The following STYK1 variants were observed in gnomAD, a reference collection of about 807,000 sequenced individuals.
STYK1 encodes STY kinase 1, also known as tyrosine-protein kinase STYK1.
In STYK1, 46 loss-of-function variants were observed where a neutral mutation model predicts 48.1. That is an observed-to-expected ratio of 0.96 (90% CI 0.75 to 1.22). The LOEUF (loss-of-function observed/expected upper bound fraction) is 1.22, where lower values mean the gene tolerates loss of function less well. Ranked by LOEUF, STYK1 falls within the 50% of genes most tolerant of loss-of-function variation. The pLI, the probability that STYK1 is intolerant of heterozygous loss-of-function variation, is 0.00. For missense variants in STYK1, 527 were observed against 521.1 expected, an observed-to-expected ratio of 1.01 and a Z score of -0.11; for synonymous variants, 188 against 189.0, an observed-to-expected ratio of 0.99 and a Z score of 0.04.
chr12:10,627,483 A>G (rs1947371376), intron 7 of STYK1, among the ~76,000 whole-genome samples, 158 bp downstream of exon 7: 1 of 152,184 alleles, frequency 6.6e-6, no homozygotes, highest in African/African-American at 2.4e-5. Flanking sequence ...GGGACTAAAA[A>G]CAATTTATCC....
intron 1 of STYK1, among the ~76,000 whole-genome samples, chr12:10,652,722 T>C (rs1947675230): frequency 9.0e-6 from 1 of 111,424 alleles, no homozygotes; most frequent in Admixed American, 1.1e-4. Flanking sequence ...CTACTTATAG[T>C]TCTTAGAAAG....
intron 7 of STYK1, among the ~76,000 whole-genome samples, chr12:10,627,373 T>A (rs1947370046): frequency 6.6e-6 from 1 of 152,204 alleles, no homozygotes; most frequent in Admixed American, 6.5e-5. Flanking sequence ...CTGAAAAATC[T>A]GAAAAATCCT....
intron 1 of STYK1, among the ~76,000 whole-genome samples, chr12:10,641,912 T>C (rs1462937108): frequency 6.6e-6 from 1 of 152,178 alleles, no homozygotes; most frequent in Non-Finnish European, 1.5e-5. Context: ...AGTGCTGTAA[T>C]AACAGAGTGA....
chr12:10,630,399 AAG>A lies in STYK1; in HGVS notation c.451+644_451+645del, dbSNP rs1330223395. ...ACACTCTGTCTCAAAAAAAAAAAAA[AAG>A]AAAAAAGAAATATAATATCAGGAAG... On this transcript the variant is annotated intron_variant, in intron 5 of 10. Coordinates refer to ENST00000075503, the MANE Select transcript of STYK1 (RefSeq NM_018423.3). 8.7e-5 allele frequency among the ~76,000 whole-genome samples: 13 copies of A among 148,810 alleles called. 4 individuals are homozygous for A. The highest frequency in any genetic ancestry group is 1.2e-4 in the African/African-American group (5 of 40,892).
intron 1 of STYK1, among the ~76,000 whole-genome samples, chr12:10,657,767 C>T (rs1318662376): frequency 3.9e-5 from 6 of 152,190 alleles, no homozygotes; most frequent in African/African-American, 1.2e-4. Flanking sequence ...AGGCTTCACA[C>T]CTAGTACCTA....
chr12:10,631,018 G>C (rs1193782769), intron 5 of STYK1, 27 bp downstream of exon 5: 1 of 1,608,732 alleles, frequency 6.2e-7, no homozygotes, highest in Non-Finnish European at 8.5e-7. Flanking sequence ...GTTAGGGGAA[G>C]GGGGAGTCAA....
At chr12:10,645,466 A>G (rs1460335207) in intron 1 of STYK1, among the ~76,000 whole-genome samples, 4 of 152,222 alleles carry the variant, frequency 2.6e-5, no homozygotes, top group African/African-American at 9.6e-5. Flanking sequence ...TCTCATTCTA[A>G]AAAAAACAAA....
chr12:10,624,546 TAG>T (rs1947333705), intron 8 of STYK1, 103 bp downstream of exon 8: 6 of 976,936 alleles, frequency 6.1e-6, no homozygotes, highest in Non-Finnish European at 9.5e-6. Flanking sequence ...GATTTCTAAG[TAG>T]AGATTATATT....
chr12:10,627,498 TTGA>T, intron 7 of STYK1, 140 bp downstream of exon 7: 1 of 647,544 alleles, frequency 1.5e-6, no homozygotes, highest in East Asian at 3.0e-5. Flanking sequence ...TTATCCATGC[TTGA>T]GTTTCTGCCC....
At chr12:10,646,968 G>A (rs1947606487) in intron 1 of STYK1, among the ~76,000 whole-genome samples, 2 of 152,266 alleles carry the variant, frequency 1.3e-5, no homozygotes, top group Admixed American at 6.5e-5. Flanking sequence ...CCTCTGCCTA[G>A]ATTTCAGAGG....
At chr12:10,639,136 AC>A (rs1947516793) in intron 1 of STYK1, among the ~76,000 whole-genome samples, 1 of 152,170 alleles carries the variant, frequency 6.6e-6, no homozygotes, top group Non-Finnish European at 1.5e-5. Flanking sequence ...TGGAAAAAAA[AC>A]AAAAACAAAA....
intron 1 of STYK1, chr12:10,673,491 C>G (rs1947911047): frequency 6.6e-6 from 1 of 152,088 alleles, no homozygotes; most frequent in Non-Finnish European, 1.5e-5. Flanking sequence ...ATTTAAATAT[C>G]GCAACAACCC....
At chr12:10,639,280 C>T (rs572869257) in intron 1 of STYK1, among the ~76,000 whole-genome samples, 21 of 152,276 alleles carry the variant, frequency 1.4e-4, no homozygotes, top group South Asian at 4.1e-4. Flanking sequence ...AACAAGCTTC[C>T]GGTTTTCAGA....
chr12:10,670,994 G>GGTT (rs1402579622), intron 1 of STYK1, among the ~76,000 whole-genome samples: 1 of 84,822 alleles, frequency 1.2e-5, no homozygotes, highest in Non-Finnish European at 2.4e-5. Context: ...TGAATATATT[G>GGTT]ATTTTTTTTT....
intron 7 of STYK1, 27 bp downstream of exon 7, chr12:10,627,614 A>G: frequency 1.3e-6 from 2 of 1,589,342 alleles, no homozygotes; most frequent in Non-Finnish European, 1.7e-6. Context: ...ACGTCACACC[A>G]TCAGTTGTCA....
intron 1 of STYK1, among the ~76,000 whole-genome samples, chr12:10,660,004 A>G (rs1947758756): frequency 6.6e-6 from 1 of 152,186 alleles, no homozygotes; most frequent in Admixed American, 6.6e-5. Context: ...CTCAGAAGAA[A>G]CAAGATGGAT....
intron 1 of STYK1, among the ~76,000 whole-genome samples, chr12:10,663,716 T>G (rs1360407545): frequency 6.7e-6 from 1 of 148,346 alleles, no homozygotes; most frequent in Non-Finnish European, 1.5e-5. Context: ...TTCTCATAAA[T>G]TTTAGAATCA....
chr12:10,631,153 CAG>C lies in STYK1; in HGVS notation c.341_342del (p.Ser114Ter). 1.2e-6 allele frequency: 2 copies of C among 1,614,214 alleles called. No homozygotes were observed. The highest frequency in any genetic ancestry group is 1.7e-5 in the Admixed American group (1 of 60,030). Reference protein sequence around the residue: ...AKLQVPREQLSEVLEQICSGS... With the variant: ...AKLQVPREQLXEVLEQICSGS... ...CCACTGCAAATCTGCTCCAGAACTT[CAG>C]AGAGTTGCTCCCGCGGCACCTGCAG... On this transcript the variant is annotated frameshift_variant, in exon 5 of 11. Transcript: ENST00000075503. LOFTEE classifies it high-confidence loss of function.
chr12:10,665,179 C>T (rs773092407), intron 1 of STYK1, among the ~76,000 whole-genome samples: 7 of 152,148 alleles, frequency 4.6e-5, no homozygotes, highest in Non-Finnish European at 8.8e-5. Context: ...AAAGCCATGC[C>T]GTTCACACGC....
Sources: gnomAD v4.1 joint callset for allele counts (sites outside exome capture counted in the v4.1 genomes callset) on GRCh38, gnomAD v4.1.1 for gene constraint, MANE v1.5 for transcripts, NCBI Gene and HGNC (gene_info 2026-07-23, HGNC 2026-07-21) for gene names.